Variants in FGGY observed in about 807,000 individuals in gnomAD.
FGGY encodes the protein FGGY carbohydrate kinase domain containing, also known as FGGY carbohydrate kinase domain-containing protein.
FGGY carries 72 observed loss-of-function variants against 71.3 expected under a neutral mutation model. The ratio of observed to expected loss-of-function variants is 1.01; its 90% CI spans 0.84 to 1.23. The LOEUF (loss-of-function observed/expected upper bound fraction) is 1.23, where lower values mean the gene tolerates loss of function less well. FGGY is among the 50% of genes most tolerant of loss of function. FGGY has a pLI of 0.00. For synonymous variants in FGGY, 251 were observed against 250.3 expected, an observed-to-expected ratio of 1.00 and a Z score of -0.02; for missense variants, 668 against 682.3, an observed-to-expected ratio of 0.98 and a Z score of 0.23.
Position 59,715,803 on chromosome 1 carries a change from G to A in FGGY, c.1512+41670G>A, listed in dbSNP as rs557238871. Reference sequence around the variant, plus strand: ...TTTTTAATCCTCATACAGACCTAAGGAAATAGATTCTATATTGGAGATTGG... The same window carrying A: ...TTTTTAATCCTCATACAGACCTAAGAAAATAGATTCTATATTGGAGATTGG... On this transcript the variant is annotated intron_variant, in intron 14 of 15. Coordinates refer to ENST00000303721, the MANE Select transcript of FGGY (RefSeq NM_018291.5). Among the ~76,000 whole-genome samples the A allele has an allele frequency of 2.0e-5, 3 of 152,290 alleles. No homozygotes were observed. In the South Asian group the frequency reaches 6.2e-4, roughly 32 times the overall value.
chr1:59,498,925 G>A (rs925357687), intron 6 of FGGY, among the ~76,000 whole-genome samples: 4 of 152,340 alleles, frequency 2.6e-5, no homozygotes, highest in Non-Finnish European at 4.4e-5. Flanking sequence ...ATTCAGGAGT[G>A]AGGTCATTGT....
At chr1:59,489,368 C>T (rs777049699) in intron 6 of FGGY, among the ~76,000 whole-genome samples, 3 of 152,064 alleles carry the variant, frequency 2.0e-5, no homozygotes, top group Non-Finnish European at 4.4e-5. Context: ...CTCCCTCTTC[C>T]CCTCTTCCCT....
chr1:59,698,986 A>G (rs943423068), intron 14 of FGGY: 2 of 985,126 alleles, frequency 2.0e-6, no homozygotes, highest in Admixed American at 6.1e-5. Context: ...AATGAAAACC[A>G]TGTTTAAATA....
intron 8 of FGGY, among the ~76,000 whole-genome samples, chr1:59,560,390 G>A (rs1400271607): frequency 1.3e-5 from 2 of 151,868 alleles, no homozygotes; most frequent in Non-Finnish European, 2.9e-5. Flanking sequence ...TGGGATCCTG[G>A]AGCAGAGAAA....
At chr1:59,636,177 C>G (rs973172735) in intron 10 of FGGY, among the ~76,000 whole-genome samples, 1 of 152,100 alleles carries the variant, frequency 6.6e-6, no homozygotes, top group Admixed American at 6.6e-5. Context: ...GTTGGGCTGC[C>G]CTCACCTCCA....
chr1:59,342,072 G>A (rs751002743), intron 3 of FGGY, among the ~76,000 whole-genome samples: 1 of 152,074 alleles, frequency 6.6e-6, no homozygotes, highest in Non-Finnish European at 1.5e-5. Flanking sequence ...TAAGAGTCCT[G>A]TTTCAAGGAT....
intron 5 of FGGY, among the ~76,000 whole-genome samples, chr1:59,451,367 TTTG>T (rs1310323909): frequency 2.5e-5 from 3 of 121,978 alleles, no homozygotes; most frequent in Admixed American, 8.6e-5. Flanking sequence ...CTAAGTTTTT[TTTG>T]TTGTTGTTTG....
chr1:59,304,174 T>C (rs1308318944), intron 1 of FGGY, among the ~76,000 whole-genome samples: 1 of 152,120 alleles, frequency 6.6e-6, no homozygotes, highest in Non-Finnish European at 1.5e-5. Context: ...GTCGAGGAGT[T>C]TTTTGTCGTT....
intron 14 of FGGY, among the ~76,000 whole-genome samples, chr1:59,699,782 C>T (rs1316490472): frequency 1.3e-5 from 2 of 152,140 alleles, no homozygotes; most frequent in African/African-American, 2.4e-5. Context: ...CTGTTCTTGC[C>T]TTTGTAACAG....
chr1:59,348,643 A>G (rs2052613856), intron 4 of FGGY, among the ~76,000 whole-genome samples: 2 of 152,118 alleles, frequency 1.3e-5, no homozygotes, highest in Admixed American at 6.6e-5. Context: ...TATTACTCAG[A>G]TTGTAAATGG....
intron 11 of FGGY, among the ~76,000 whole-genome samples, chr1:59,644,774 G>C (rs192755091): frequency 5.3e-5 from 8 of 152,088 alleles, no homozygotes; most frequent in African/African-American, 1.9e-4. Flanking sequence ...TCAAGAGATT[G>C]AGACCATCCT....
In FGGY at chr1:59,638,313, CAT is replaced by C; in HGVS notation, c.1160_1161del (p.His387ArgfsTer31). ...QPVGFLTVDLHVWPDFHGNRS... is the reference protein window; with the variant it reads ...QPVGFLTVDLXVWPDFHGNRS... The stretch of plus-strand genomic sequence containing the variant: ...TGTGGGTTTCCTTACTGTTGATTTA[CAT>C]GTTTGGCCAGATTTCCATGGCAACC... On this transcript the variant is annotated frameshift_variant, in exon 11 of 16. Transcript: ENST00000303721. LOFTEE classifies it high-confidence loss of function. 1 of 1,614,222 alleles carries C rather than the reference CAT, an allele frequency of 6.2e-7. No homozygotes were observed. The highest frequency in any genetic ancestry group is 2.2e-5 in the East Asian group (1 of 44,888).
In FGGY at chr1:59,667,274, C is replaced by T. The variant is rs1558737541; in HGVS notation, c.1297-9C>T. 6.2e-7 allele frequency: 1 copy of T among 1,614,022 alleles called. No homozygotes were observed. Among genetic ancestry groups the T allele is most frequent in the Non-Finnish European group, 8.5e-7 (1 of 1,179,980 alleles). On this transcript the variant is annotated splice_polypyrimidine_tract_variant and intron_variant, in intron 12 of 15. Coordinates refer to ENST00000303721, the MANE Select transcript of FGGY (RefSeq NM_018291.5). ...TATACTGATGCTATCTTCTGCTTTT[C>T]CTTTCAAGTTGGGGACTCGCTTCAT...
chr1:59,457,303 G>T (rs116638068), intron 6 of FGGY, among the ~76,000 whole-genome samples: 92 of 152,212 alleles, frequency 6.0e-4, no homozygotes, highest in African/African-American at 2.1e-3. Flanking sequence ...ATGAAAATCT[G>T]CATTGAAATA....
chr1:59,614,149 G>T (rs1330791883), intron 9 of FGGY, among the ~76,000 whole-genome samples: 1 of 152,198 alleles, frequency 6.6e-6, no homozygotes, highest in Non-Finnish European at 1.5e-5. Context: ...CTCATTTTAT[G>T]AGGCCAGCAT....
intron 14 of FGGY, among the ~76,000 whole-genome samples, chr1:59,757,119 T>C (rs1171580914): frequency 6.6e-6 from 1 of 152,180 alleles, no homozygotes; most frequent in Non-Finnish European, 1.5e-5. Context: ...GAGCCTATGC[T>C]GTAGAGCTTT....
At chr1:59,649,190 T>G (rs1473864308) in intron 11 of FGGY, among the ~76,000 whole-genome samples, 1 of 149,224 alleles carries the variant, frequency 6.7e-6, no homozygotes, top group Admixed American at 6.7e-5. Flanking sequence ...GTGTGATGCC[T>G]CCAGCTTTGT....
In FGGY at chr1:59,330,578, AAAAAG is replaced by A. The variant is rs58841342; in HGVS notation, c.201+8842_201+8846del. Among the ~76,000 whole-genome samples, 1,203 of 151,822 alleles carry A rather than the reference AAAAAG, an allele frequency of 7.9e-3. 19 individuals are homozygous for A. Among genetic ancestry groups the A allele is most frequent in the African/African-American group, 0.027 (1,132 of 41,346 alleles). ...AGCAAGACTCCATCTCAAAAAAAAA[AAAAAG>A]AAAAGAAAAGAAATGGAGACCTCCC... On this transcript the variant is annotated intron_variant, in intron 2 of 15. Transcript: ENST00000303721.
At chr1:59,329,485 A>G (rs535326434) in intron 2 of FGGY, among the ~76,000 whole-genome samples, 2 of 152,344 alleles carry the variant, frequency 1.3e-5, no homozygotes, top group East Asian at 3.9e-4. Context: ...AGCACGATAA[A>G]ATGAGGTATG....
Sources: allele counts gnomAD v4.1 joint callset (sites outside exome capture counted in the v4.1 genomes callset), GRCh38; gene constraint gnomAD v4.1.1; transcripts MANE v1.5; gene names NCBI Gene and HGNC (gene_info 2026-07-23, HGNC 2026-07-21).